MOXD1: variants seen among roughly 807,000 people sequenced by gnomAD.
MOXD1 encodes the protein DBH-like monooxygenase protein 1.
Under a neutral mutation model 66.6 loss-of-function variants are expected in MOXD1, and 62 were observed. The observed-to-expected ratio is 0.93, with a 90% CI of 0.76 to 1.15. The LOEUF is 1.15. Ranked by LOEUF, MOXD1 falls within the 50% of genes most tolerant of loss-of-function variation. The probability of loss-of-function intolerance (pLI) is 0.00; values close to 1 mark genes in which losing one functional copy is unlikely to be tolerated. For synonymous variants in MOXD1, 303 were observed against 281.9 expected, an observed-to-expected ratio of 1.07 and a Z score of -0.75; for missense variants, 847 against 754.6, an observed-to-expected ratio of 1.12 and a Z score of -1.44.
At chr6:132,393,161 T>C (rs549938413) in intron 1 of MOXD1, among the ~76,000 whole-genome samples, 6 of 151,914 alleles carry the variant, frequency 3.9e-5, no homozygotes, top group Non-Finnish European at 8.8e-5. Flanking sequence ...AGTGTGTGTG[T>C]GTGTGTGTCA....
chr6:132,327,385 G>A (rs913316469), intron 6 of MOXD1, among the ~76,000 whole-genome samples: 1 of 152,144 alleles, frequency 6.6e-6, no homozygotes, highest in Middle Eastern at 3.2e-3. Flanking sequence ...CATAGTTGGA[G>A]CTCAGTATTT....
At chr6:132,335,035 AT>A (rs1322905730) in intron 4 of MOXD1, among the ~76,000 whole-genome samples, 1 of 152,192 alleles carries the variant, frequency 6.6e-6, no homozygotes, top group Non-Finnish European at 1.5e-5. Context: ...ATGTTTCAGA[AT>A]TTGAGGCAAG....
chr6:132,370,110 A>G (rs1562295320), intron 4 of MOXD1, among the ~76,000 whole-genome samples: 1 of 152,142 alleles, frequency 6.6e-6, no homozygotes, highest in Non-Finnish European at 1.5e-5. Context: ...TTGCAGAAGA[A>G]AAGGACTGAG....
At chr6:132,341,712 GTGC>G (rs1327994666) in intron 4 of MOXD1, among the ~76,000 whole-genome samples, 3 of 152,108 alleles carry the variant, frequency 2.0e-5, no homozygotes, top group Non-Finnish European at 2.9e-5. Context: ...GATTTCATTC[GTGC>G]TGTTTTCCCC....
At chr6:132,392,877 G>A (rs567727355) in intron 1 of MOXD1, among the ~76,000 whole-genome samples, 59 of 152,284 alleles carry the variant, frequency 3.9e-4, no homozygotes, top group Middle Eastern at 6.8e-3. Flanking sequence ...AATGGGCAGC[G>A]CAAATTTCCA....
At chr6:132,392,412 C>A in intron 1 of MOXD1, 1 of 1,410,180 alleles carries the variant, frequency 7.1e-7, no homozygotes, top group Non-Finnish European at 9.4e-7. Context: ...AACAACGTTG[C>A]TCTCTTCTCT....
chr6:132,358,238 G>A (rs1257084021), intron 4 of MOXD1, among the ~76,000 whole-genome samples: 2 of 152,262 alleles, frequency 1.3e-5, no homozygotes, highest in African/African-American at 4.8e-5. Context: ...AAGTGTTAAA[G>A]CTCCCCCTAC....
chr6:132,336,204 G>A (rs1472826161), intron 4 of MOXD1, among the ~76,000 whole-genome samples: 6 of 152,140 alleles, frequency 3.9e-5, no homozygotes, highest in African/African-American at 1.4e-4. Context: ...TAATGAGCTG[G>A]AAATTTTGTA....
chr6:132,329,708 A>G (rs1167383213), intron 4 of MOXD1, among the ~76,000 whole-genome samples: 1 of 152,126 alleles, frequency 6.6e-6, no homozygotes, highest in Non-Finnish European at 1.5e-5. Flanking sequence ...AATTGAGGGT[A>G]TAGCCTAAAA....
At chr6:132,392,147 G>C in intron 1 of MOXD1, 2 of 1,508,648 alleles carry the variant, frequency 1.3e-6, no homozygotes, top group East Asian at 5.0e-5. Context: ...GTGCTTAAAA[G>C]AAGCACATCG....
At chr6:132,329,596 A>T (rs922168385) in intron 4 of MOXD1, among the ~76,000 whole-genome samples, 1 of 152,086 alleles carries the variant, frequency 6.6e-6, no homozygotes, top group African/African-American at 2.4e-5. Context: ...CTATAAATGC[A>T]TGGTGCTGAG....
At chr6:132,373,792 G>T (rs528082340) in intron 2 of MOXD1, among the ~76,000 whole-genome samples, 2 of 152,052 alleles carry the variant, frequency 1.3e-5, no homozygotes, top group Non-Finnish European at 2.9e-5. Context: ...AAATAATAAC[G>T]CAAAAGTATT....
intron 1 of MOXD1, among the ~76,000 whole-genome samples, chr6:132,397,612 CAG>C (rs58540885): frequency 0.024 from 3,309 of 136,550 alleles, 134 homozygotes; most frequent in African/African-American, 0.081. Flanking sequence ...CACACACTCA[CAG>C]AGAGAGAGAG....
At chr6:132,326,964 C>T (rs1775202391) in intron 6 of MOXD1, among the ~76,000 whole-genome samples, 1 of 152,230 alleles carries the variant, frequency 6.6e-6, no homozygotes, top group Admixed American at 6.5e-5. Context: ...TTTGACTCCA[C>T]TGTATCAAAC....
rs9483438 is a variant in MOXD1, at chr6:132,359,853, A to G, written c.663+12755T>C. Among the ~76,000 whole-genome samples the G allele has an allele frequency of 9.1e-3, 1,380 of 152,302 alleles. 25 individuals are homozygous for G. The highest frequency in any genetic ancestry group is 0.032 in the African/African-American group (1,317 of 41,568). ...AGTAATACTCAAGATAAAATTAGTG[A>G]CCCCATTTAGGTATTAAAGGCCTCA... On this transcript the variant is annotated intron_variant, in intron 4 of 11. Coordinates refer to ENST00000367963, the MANE Select transcript of MOXD1 (RefSeq NM_015529.4).
At chr6:132,396,738 T>C (rs960883963) in intron 1 of MOXD1, among the ~76,000 whole-genome samples, 6 of 152,160 alleles carry the variant, frequency 3.9e-5, no homozygotes, top group Admixed American at 6.5e-5. Flanking sequence ...GGGACTATTA[T>C]GAACAACAAT....
intron 1 of MOXD1, chr6:132,392,347 T>C: frequency 6.4e-7 from 1 of 1,550,962 alleles, no homozygotes; most frequent in Non-Finnish European, 8.7e-7. Context: ...ACCAGCGATT[T>C]ATACCCCCAT....
intron 10 of MOXD1, among the ~76,000 whole-genome samples, chr6:132,309,733 A>G (rs1774781147): frequency 6.6e-6 from 1 of 152,186 alleles, no homozygotes; most frequent in Admixed American, 6.5e-5. Flanking sequence ...AACAAACTTG[A>G]CAAAAACAAG....
intron 1 of MOXD1, chr6:132,390,569 T>C (rs1776739261): frequency 6.6e-6 from 1 of 151,686 alleles, no homozygotes; most frequent in Non-Finnish European, 1.5e-5. Flanking sequence ...CATTCAATGT[T>C]GTGTCCCCAG....
Sources: allele counts gnomAD v4.1 joint callset (sites outside exome capture counted in the v4.1 genomes callset), GRCh38; gene constraint gnomAD v4.1.1; transcripts MANE v1.5; gene names NCBI Gene and HGNC (gene_info 2026-07-23, HGNC 2026-07-21).